Variants in REPS1 observed in about 807,000 individuals in gnomAD.
REPS1 encodes the protein RALBP1 associated Eps domain containing 1.
In REPS1, 39 loss-of-function variants were observed where a neutral mutation model predicts 100.9. That is an observed-to-expected ratio of 0.39 (90% CI 0.30 to 0.50). The LOEUF (loss-of-function observed/expected upper bound fraction) is 0.50, where lower values mean the gene tolerates loss of function less well. Among genes scored for constraint, REPS1 ranks in the 20% least tolerant of loss-of-function variants. REPS1 has a pLI of 0.86. For missense variants in REPS1, 821 were observed against 968.5 expected (o/e 0.85, Z 2.02); for synonymous variants, 324 against 340.3 (o/e 0.95, Z 0.53).
In REPS1 at chr6:138,937,090, A is replaced by G. The variant is rs532931713; in HGVS notation, c.1135+4245T>C. Among the ~76,000 whole-genome samples, 19 of 150,168 alleles carry G rather than the reference A, an allele frequency of 1.3e-4. No homozygotes were observed. In the South Asian group the frequency reaches 3.7e-3, roughly 30 times the overall value. The stretch of plus-strand genomic sequence containing the variant: ...CATCTTACATGGATGGCAGGAGGCA[A>G]AGAGAGAGCTTGTGCAGGGAAACTC... On this transcript the variant is annotated intron_variant, in intron 8 of 19. Coordinates refer to ENST00000450536, the MANE Select transcript of REPS1 (RefSeq NM_001286611.2).
intron 2 of REPS1, among the ~76,000 whole-genome samples, chr6:138,946,799 T>C (rs1276029639): frequency 2.6e-5 from 4 of 152,222 alleles, no homozygotes; most frequent in African/African-American, 4.8e-5. Flanking sequence ...CCTTTCTTTA[T>C]AGAATTTCTA....
intron 1 of REPS1, among the ~76,000 whole-genome samples, chr6:138,956,941 A>C (rs1195805251): frequency 6.6e-6 from 1 of 152,138 alleles, no homozygotes; most frequent in African/African-American, 2.4e-5. Flanking sequence ...AGAGAACAAG[A>C]TATCTTGAAA....
chr6:138,912,038 A>G (rs1410000455), intron 16 of REPS1, among the ~76,000 whole-genome samples: 1 of 152,114 alleles, frequency 6.6e-6, no homozygotes, highest in Admixed American at 6.5e-5. Flanking sequence ...ACCCTCCTAG[A>G]TGCAGCCCAG....
intron 9 of REPS1, 61 bp from the exon 10 acceptor site, chr6:138,926,542 G>T: frequency 1.7e-6 from 2 of 1,201,028 alleles, no homozygotes; most frequent in South Asian, 1.3e-5. Flanking sequence ...AAGATCACTG[G>T]AGAAGATTTA....
intron 1 of REPS1, among the ~76,000 whole-genome samples, chr6:138,981,786 G>C (rs1483107346): frequency 6.6e-6 from 1 of 152,158 alleles, no homozygotes; most frequent in Admixed American, 6.6e-5. Flanking sequence ...GCCAGAACTG[G>C]AACTTGCCTC....
intron 10 of REPS1, 66 bp downstream of exon 10, chr6:138,926,335 G>T: frequency 1.7e-6 from 2 of 1,197,694 alleles, no homozygotes; most frequent in Non-Finnish European, 2.4e-6. Context: ...AGCTAAAAAC[G>T]ATAATGAATG....
At chr6:138,955,132 T>C (rs1257814122) in intron 1 of REPS1, among the ~76,000 whole-genome samples, 3 of 152,130 alleles carry the variant, frequency 2.0e-5, no homozygotes, top group Non-Finnish European at 4.4e-5. Context: ...AACAAATCTT[T>C]AGAAATGGAA....
At chr6:138,969,319 C>G (rs1222012466) in intron 1 of REPS1, among the ~76,000 whole-genome samples, 1 of 114,120 alleles carries the variant, frequency 8.8e-6, no homozygotes, top group South Asian at 2.9e-4. Flanking sequence ...CGCTCTGTCT[C>G]CCAGGTCTGT....
chr6:138,932,083 T>C (rs544567704), intron 8 of REPS1, among the ~76,000 whole-genome samples: 20 of 152,294 alleles, frequency 1.3e-4, no homozygotes, highest in African/African-American at 4.6e-4. Flanking sequence ...TTTCTTCTAC[T>C]GACAAATTTA....
intron 10 of REPS1, among the ~76,000 whole-genome samples, chr6:138,925,569 A>G (rs772800743): frequency 9.9e-5 from 15 of 152,032 alleles, no homozygotes; most frequent in South Asian, 6.2e-4. Context: ...TACTCAGCTC[A>G]TTTTAAAAAT....
chr6:138,950,195 C>T (rs1344363126), intron 1 of REPS1, among the ~76,000 whole-genome samples: 1 of 152,048 alleles, frequency 6.6e-6, no homozygotes, highest in Non-Finnish European at 1.5e-5. Context: ...CTATTGAGGC[C>T]AGGAGCAGTG....
intron 9 of REPS1, chr6:138,928,874 A>G (rs1781313596): frequency 6.6e-6 from 1 of 152,198 alleles, no homozygotes; most frequent in South Asian, 2.1e-4. Flanking sequence ...CTAGAAAAAC[A>G]CTTGTATTAA....
At chr6:138,979,840 C>A (rs1784835746) in intron 1 of REPS1, among the ~76,000 whole-genome samples, 1 of 152,090 alleles carries the variant, frequency 6.6e-6, no homozygotes, top group Non-Finnish European at 1.5e-5. Flanking sequence ...ATAATCTTTT[C>A]TTCAATTATT....
chr6:138,905,185 A>G, intron 19 of REPS1, 53 bp from the exon 20 acceptor site: 1 of 1,111,590 alleles, frequency 9.0e-7, no homozygotes, highest in African/African-American at 1.6e-5. Context: ...AAAATGAAGA[A>G]ATATCTAACA....
chr6:138,963,284 G>C (rs1783840724), intron 1 of REPS1, among the ~76,000 whole-genome samples: 1 of 152,066 alleles, frequency 6.6e-6, no homozygotes. Context: ...TTTACCATTT[G>C]AGTTACTAGT....
At position 138,903,624 on chromosome 6, in the gene REPS1, C is replaced by T. The variant is rs1465536331; in HGVS notation, c.*1440G>A. On this transcript the variant is annotated 3_prime_UTR_variant, in exon 20 of 20. Transcript: ENST00000450536. ...TTTAAAAAACAAAACTAAATGGAAACAGCAAAACTTGCTTGTAATGAAATA... is the reference window on the plus strand; with the variant it reads ...TTTAAAAAACAAAACTAAATGGAAATAGCAAAACTTGCTTGTAATGAAATA... 1 of 152,110 alleles carries T rather than the reference C, an allele frequency of 6.6e-6. No individual in the cohort carries two copies. Among genetic ancestry groups the T allele is most frequent in the East Asian group, 1.9e-4 (1 of 5,198 alleles). The allele number at this position is 152,110 out of a possible 1,614,324, so 9.4% of individuals were successfully genotyped here. A position where few individuals can be genotyped will look rare whatever the true frequency, so the allele number is the denominator to read the frequency against.
chr6:138,915,981 A>G lies in REPS1; in HGVS notation c.1602-5T>C. ...GGCGACGTTCCTGAATGAGACCTGCAAAATTCACCCCATGATAATTGGTCA... is the reference window on the plus strand; with the variant it reads ...GGCGACGTTCCTGAATGAGACCTGCGAAATTCACCCCATGATAATTGGTCA... On this transcript the variant is annotated splice_polypyrimidine_tract_variant and splice_region_variant and intron_variant, in intron 13 of 19. Coordinates refer to ENST00000450536, the MANE Select transcript of REPS1 (RefSeq NM_001286611.2). 3 of 1,597,080 alleles carry G rather than the reference A, an allele frequency of 1.9e-6. No homozygotes were observed. The highest frequency in any genetic ancestry group is 2.6e-6 in the Non-Finnish European group (3 of 1,164,650).
Position 138,926,321 on chromosome 6 carries a change from TA to T in REPS1, c.1338+79del. On this transcript the variant is annotated intron_variant, in intron 10 of 19. Coordinates refer to ENST00000450536, the MANE Select transcript of REPS1 (RefSeq NM_001286611.2). The stretch of plus-strand genomic sequence containing the variant: ...TCTAAGCACTCCACTGAATCATGCA[TA>T]TCAGCTAAAAACGATAATGAATGGA... 2.9e-6 allele frequency: 3 copies of T among 1,017,800 alleles called. No individual in the cohort carries two copies. In the South Asian group the frequency reaches 4.1e-5, roughly 14 times the overall value. The allele number at this position is 1,017,800 out of a possible 1,614,324, so 63.0% of individuals were successfully genotyped here.
intron 1 of REPS1, among the ~76,000 whole-genome samples, chr6:138,954,384 C>T (rs921368602): frequency 6.6e-6 from 1 of 151,912 alleles, no homozygotes; most frequent in African/African-American, 2.4e-5. Context: ...ACCCTGATTT[C>T]ATCACTATAC....
Sources: gnomAD v4.1 joint callset for allele counts (sites outside exome capture counted in the v4.1 genomes callset) on GRCh38, gnomAD v4.1.1 for gene constraint, MANE v1.5 for transcripts, NCBI Gene and HGNC (gene_info 2026-07-23, HGNC 2026-07-21) for gene names.